The following SEC24D variants were observed in gnomAD, a reference collection of about 807,000 sequenced individuals.
The protein encoded by SEC24D is SEC24 homolog D, COPII component.
SEC24D carries 69 observed loss-of-function variants against 116.9 expected under a neutral mutation model. The ratio of observed to expected loss-of-function variants is 0.59; its 90% CI spans 0.49 to 0.72. The LOEUF is 0.72. Among genes scored for constraint, SEC24D ranks in the 30% least tolerant of loss-of-function variants. The probability of loss-of-function intolerance (pLI) is 0.00; values close to 1 mark genes in which losing one functional copy is unlikely to be tolerated. For missense variants in SEC24D, 1,131 were observed against 1,264.1 expected, an observed-to-expected ratio of 0.89 and a Z score of 1.60; for synonymous variants, 405 against 442.8, an observed-to-expected ratio of 0.91 and a Z score of 1.07.
rs1725229228 is a variant in SEC24D at position 118,723,071 on chromosome 4, T to A, written c.*444A>T. 1 of 152,892 alleles carries A rather than the reference T, an allele frequency of 6.5e-6. No individual in the cohort carries two copies. The highest frequency in any genetic ancestry group is 2.4e-5 in the African/African-American group (1 of 41,460). 9.5% of individuals were successfully genotyped at this position (152,892 alleles called of 1,614,324 possible). On this transcript the variant is annotated 3_prime_UTR_variant, in exon 23 of 23. Transcript: ENST00000280551. The stretch of plus-strand genomic sequence containing the variant: ...GCAGACCTTAAGTTGAAAAATGTGT[T>A]CAATGGAGTTACATGGTTTTAGAAA...
chr4:118,768,585 A>C (rs1406630232), intron 8 of SEC24D, among the ~76,000 whole-genome samples: 2 of 151,900 alleles, frequency 1.3e-5, no homozygotes, highest in Non-Finnish European at 2.9e-5. Flanking sequence ...AGTAGAGACG[A>C]GGTTTCGCCA....
intron 8 of SEC24D, among the ~76,000 whole-genome samples, chr4:118,779,698 C>A (rs1728309120): frequency 6.6e-6 from 1 of 152,104 alleles, no homozygotes; most frequent in Admixed American, 6.5e-5. Flanking sequence ...CTCTTTGTAC[C>A]TCTGGTAGAA....
At chr4:118,799,711 G>A (rs527656336) in intron 7 of SEC24D, among the ~76,000 whole-genome samples, 13 of 152,276 alleles carry the variant, frequency 8.5e-5, no homozygotes, top group East Asian at 3.9e-4. Context: ...TGTATCACGC[G>A]GAGGCACGAT....
intron 15 of SEC24D, among the ~76,000 whole-genome samples, chr4:118,742,800 C>T (rs1726298904): frequency 6.6e-6 from 1 of 152,220 alleles, no homozygotes. Flanking sequence ...CTGACCCCTT[C>T]TCCTTAGGTG....
At position 118,723,579 on chromosome 4, in the gene SEC24D, C is replaced by G. The variant is rs972376639; in HGVS notation, c.3035G>C (p.Gly1012Ala). The change falls in exon 23 of 23, where the codon GGA (glycine) becomes GCA (alanine). Residue 1012 changes from glycine (G) to alanine (A), a missense_variant. Physicochemically the swap from Gly to Ala is moderately conservative, Grantham distance 60. Transcript: ENST00000280551. ...QFLVEDKGLY[G>A]GSSYVDFLCC... Reference sequence around the variant, plus strand: ...AAGGAAATCCACATAAGAAGAGCCTCCGTAAAGTCCTTTGTCTTCTACCAG... The same window carrying G: ...AAGGAAATCCACATAAGAAGAGCCTGCGTAAAGTCCTTTGTCTTCTACCAG... 12 of 1,613,808 alleles carry G rather than the reference C, an allele frequency of 7.4e-6. No individual in the cohort carries two copies. The African/African-American group carries it at 1.6e-4, about 22-fold the overall frequency.
At chr4:118,802,177 C>T (rs113521309) in intron 7 of SEC24D, among the ~76,000 whole-genome samples, 73 of 152,100 alleles carry the variant, frequency 4.8e-4, no homozygotes, top group African/African-American at 1.7e-3. Flanking sequence ...ATTGACCACA[C>T]GAAGGATGAG....
intron 11 of SEC24D, chr4:118,753,937 G>A (rs1726958289): frequency 6.6e-6 from 1 of 152,044 alleles, no homozygotes; most frequent in African/African-American, 2.4e-5. Context: ...TTTTGCATAC[G>A]GCCTAAAGAG....
At position 118,808,540 on chromosome 4, in the gene SEC24D, G is replaced by A. The variant is rs192947116; in HGVS notation, c.802-2586C>T. On this transcript the variant is annotated intron_variant, in intron 6 of 22. Coordinates refer to ENST00000280551, the MANE Select transcript of SEC24D (RefSeq NM_014822.4). The stretch of plus-strand genomic sequence containing the variant: ...ATGGAATACTACAAAGAAAAGAATG[G>A]GAGATTAAAGTCGTTCTGATAATTG... Among the ~76,000 whole-genome samples the A allele has an allele frequency of 4.0e-3, 615 of 152,218 alleles. 4 individuals are homozygous for A. The highest frequency in any genetic ancestry group is 0.014 in the African/African-American group (575 of 41,530).
intron 6 of SEC24D, among the ~76,000 whole-genome samples, chr4:118,808,396 T>C (rs567846120): frequency 2.0e-4 from 31 of 152,352 alleles, no homozygotes; most frequent in African/African-American, 6.3e-4. Context: ...TAGTCTTCAA[T>C]AGACTGAATT....
intron 8 of SEC24D, among the ~76,000 whole-genome samples, chr4:118,785,625 T>A (rs1162349534): frequency 6.6e-6 from 1 of 152,210 alleles, no homozygotes; most frequent in Non-Finnish European, 1.5e-5. Context: ...TACAAATGTT[T>A]ATGTTATGGT....
At chr4:118,833,159 C>T (rs910857787) in intron 2 of SEC24D, 3 of 154,020 alleles carry the variant, frequency 1.9e-5, no homozygotes, top group African/African-American at 7.2e-5. Context: ...TATACATGGT[C>T]CATTTGTACA....
chr4:118,793,445 C>T (rs539901517), intron 8 of SEC24D, among the ~76,000 whole-genome samples: 9 of 127,686 alleles, frequency 7.0e-5, no homozygotes, highest in East Asian at 2.3e-4. Context: ...CCAGCCTGGG[C>T]GACAGAGCGA....
At chr4:118,727,475 T>TA (rs962514026) in intron 22 of SEC24D, among the ~76,000 whole-genome samples, 3 of 152,086 alleles carry the variant, frequency 2.0e-5, no homozygotes, top group Non-Finnish European at 2.9e-5. Context: ...TCTCCATGCT[T>TA]AGTCTTGCCT....
intron 9 of SEC24D, among the ~76,000 whole-genome samples, chr4:118,765,833 A>AG (rs888068849): frequency 3.3e-5 from 5 of 151,894 alleles, no homozygotes; most frequent in Non-Finnish European, 5.9e-5. Flanking sequence ...TTTTTTTAAA[A>AG]AAAAAACCCA....
chr4:118,752,994 A>T, intron 11 of SEC24D, 106 bp from the exon 12 acceptor site: 1 of 799,910 alleles, frequency 1.3e-6, no homozygotes, highest in Non-Finnish European at 1.9e-6. Flanking sequence ...ACATAAAAAC[A>T]TGTTTAAAGT....
Position 118,833,644 on chromosome 4 carries a change from C to CCAGGCT in SEC24D, c.47_52dup (p.Pro17_Gly18insGluPro). The CCAGGCT allele has an allele frequency of 6.2e-7, 1 of 1,614,058 alleles. No individual in the cohort carries two copies. The highest frequency in any genetic ancestry group is 1.6e-4 in the Middle Eastern group (1 of 6,062). On this transcript the variant is annotated inframe_insertion, in exon 2 of 23. Coordinates refer to ENST00000280551, the MANE Select transcript of SEC24D (RefSeq NM_014822.4). ...ATAATGAGGTGGAGAAAGGCCTATT[C>CCAGGCT]CAGGCTGAGGCTGAGAATACGGAGG...
intron 1 of SEC24D, among the ~76,000 whole-genome samples, chr4:118,835,660 G>C (rs1408221531): frequency 2.0e-5 from 3 of 152,226 alleles, no homozygotes; most frequent in Non-Finnish European, 4.4e-5. Context: ...TCGAATGGTG[G>C]CCACTGAGGA....
At chr4:118,727,614 CAT>C (rs1491132637) in intron 22 of SEC24D, among the ~76,000 whole-genome samples, 1 of 151,684 alleles carries the variant, frequency 6.6e-6, no homozygotes, top group African/African-American at 2.4e-5. Flanking sequence ...GATTTGGTTA[CAT>C]GTTTCTAGGG....
intron 8 of SEC24D, among the ~76,000 whole-genome samples, chr4:118,796,273 C>T (rs923693871): frequency 3.3e-5 from 5 of 152,118 alleles, no homozygotes; most frequent in Non-Finnish European, 5.9e-5. Context: ...TTGTACATAG[C>T]GGCATCTCTG....
Sources: allele counts gnomAD v4.1 joint callset (sites outside exome capture counted in the v4.1 genomes callset), GRCh38; gene constraint gnomAD v4.1.1; transcripts MANE v1.5; gene names NCBI Gene and HGNC (gene_info 2026-07-23, HGNC 2026-07-21).